ENTPD4: variants seen among roughly 807,000 people sequenced by gnomAD.
The protein encoded by ENTPD4 is Golgi UDPase.
ENTPD4 carries 60 observed loss-of-function variants against 79.1 expected under a neutral mutation model. The ratio of observed to expected loss-of-function variants is 0.76; its 90% CI spans 0.62 to 0.94. The LOEUF (loss-of-function observed/expected upper bound fraction) is 0.94, where lower values mean the gene tolerates loss of function less well. Ranked by LOEUF, ENTPD4 falls within the 40% of genes least tolerant of loss-of-function variation. The pLI is 0.00. For synonymous variants in ENTPD4, 276 were observed against 292.0 expected, an observed-to-expected ratio of 0.95 and a Z score of 0.56; for missense variants, 772 against 775.1, an observed-to-expected ratio of 1.00 and a Z score of 0.05.
chr8:23,434,507 A>G, intron 11 of ENTPD4, 29 bp from the exon 12 acceptor site: 3 of 1,612,176 alleles, frequency 1.9e-6, no homozygotes, highest in Non-Finnish European at 2.5e-6. Flanking sequence ...AAGGCAAGTC[A>G]GACTGACTCA....
Position 23,430,678 on chromosome 8 carries a change from C to G in ENTPD4, c.*2248G>C. On this transcript the variant is annotated 3_prime_UTR_variant, in exon 13 of 13. Transcript: ENST00000358689. Reference sequence around the variant, plus strand: ...TTCTCAGCCCTTGTTTCAGGATCCTCAGGTATGTGACTAACTCTTCTATGC... The same window carrying G: ...TTCTCAGCCCTTGTTTCAGGATCCTGAGGTATGTGACTAACTCTTCTATGC... 1 of 985,468 alleles carries G rather than the reference C, an allele frequency of 1.0e-6. No homozygotes were observed. Among genetic ancestry groups the G allele is most frequent in the Non-Finnish European group, 1.2e-6 (1 of 829,954 alleles). The allele number at this position is 985,468 out of a possible 1,614,324, so 61.0% of individuals were successfully genotyped here.
In ENTPD4 at chr8:23,444,523, G is replaced by C; in HGVS notation, c.496C>G (p.Arg166Gly). 1.2e-6 allele frequency: 2 copies of C among 1,614,148 alleles called. No homozygotes were observed. Among genetic ancestry groups the C allele is most frequent in the South Asian group, 2.2e-5 (2 of 91,082 alleles). Residue 166 changes from arginine (R) to glycine (G), a missense_variant, in exon 5 of 13, where the codon CGG becomes GGG. Coordinates refer to ENST00000358689, the MANE Select transcript of ENTPD4 (RefSeq NM_004901.5). ...LLNFAAEHVPRAKHKETPLYI... is the reference protein window; with the variant it reads ...LLNFAAEHVPGAKHKETPLYI... Reference sequence around the variant, plus strand: ...AGAGGTGTCTCTTTGTGTTTTGCCCGTGGCACATGCTCTGCAGCAAAGTTC... The same window carrying C: ...AGAGGTGTCTCTTTGTGTTTTGCCCCTGGCACATGCTCTGCAGCAAAGTTC...
intron 12 of ENTPD4, among the ~76,000 whole-genome samples, chr8:23,433,850 C>T (rs1292422744): frequency 6.6e-6 from 1 of 152,222 alleles, no homozygotes; most frequent in Non-Finnish European, 1.5e-5. Flanking sequence ...GCTAATTCTG[C>T]TGCCAGATCC....
chr8:23,429,259 T>TC lies in ENTPD4; in HGVS notation c.*3666dup. The TC allele has an allele frequency of 4.1e-6, 4 of 985,452 alleles. No individual in the cohort carries two copies. The highest frequency in any genetic ancestry group is 4.8e-6 in the Non-Finnish European group (4 of 829,936). 61.0% of individuals were successfully genotyped at this position (985,452 alleles called of 1,614,324 possible). On this transcript the variant is annotated 3_prime_UTR_variant, in exon 13 of 13. Coordinates refer to ENST00000358689, the MANE Select transcript of ENTPD4 (RefSeq NM_004901.5). ...AAGTGACATGACACCAAAAGGACCT[T>TC]CCGAGAGTATTATTCTTACTTTGGA...
In ENTPD4 at chr8:23,432,349, T is replaced by G; in HGVS notation, c.*577A>C. The G allele has an allele frequency of 5.1e-6, 5 of 985,566 alleles. No individual in the cohort carries two copies. The highest frequency in any genetic ancestry group is 6.0e-6 in the Non-Finnish European group (5 of 830,078). The allele number at this position is 985,566 out of a possible 1,614,324, so 61.1% of individuals were successfully genotyped here. ...AAGTGCATGTGTTTAAATTTAACAT[T>G]CCTTAGAGAAACCCCAGAAATCTCA... is the stretch of plus-strand genomic sequence containing the variant. On this transcript the variant is annotated 3_prime_UTR_variant, in exon 13 of 13. Coordinates refer to ENST00000358689, the MANE Select transcript of ENTPD4 (RefSeq NM_004901.5).
intron 3 of ENTPD4, among the ~76,000 whole-genome samples, chr8:23,448,333 CA>C (rs1800798524): frequency 6.6e-6 from 1 of 152,254 alleles, no homozygotes; most frequent in Middle Eastern, 3.4e-3. Flanking sequence ...AATCTAAAGC[CA>C]AACGTCGTGA....
intron 10 of ENTPD4, 22 bp from the exon 11 acceptor site, chr8:23,435,499 T>C (rs375318756): frequency 1.9e-6 from 3 of 1,555,838 alleles, no homozygotes; most frequent in South Asian, 1.1e-5. Context: ...TTCACCAAAA[T>C]AGATCACTAG....
At position 23,434,346 on chromosome 8, in the gene ENTPD4, G is replaced by T; in HGVS notation, c.1593C>A (p.Ile531=). 1 of 1,614,212 alleles carries T rather than the reference G, an allele frequency of 6.2e-7. No individual in the cohort carries two copies. Among genetic ancestry groups the T allele is most frequent in the African/African-American group, 1.3e-5 (1 of 75,066 alleles). Residue 531 remains isoleucine (I), a synonymous_variant, in exon 12 of 13, where the codon ATC becomes ATA. Coordinates refer to ENST00000358689, the MANE Select transcript of ENTPD4 (RefSeq NM_004901.5). ...ATGGTAGAAAGCGGGTCCTGTAGAG[G>T]ATGGCTCCAAGGGTCCACTGAACCT... The part of the protein sequence containing the change: ...DKEVQWTLGA[I]LYRTRFLPLR...
chr8:23,441,601 G>A lies in ENTPD4; in HGVS notation c.850C>T (p.Pro284Ser), dbSNP rs775037430. ...GVSTQIAYEV[P>S]KTVSFASSQQ... is the part of the protein sequence containing the mutation. Reference sequence around the variant, plus strand: ...GAGGACGCAAAGCTTACAGTTTTGGGGACTTCGTACGCTATCTGAGTCGAC... The same window carrying A: ...GAGGACGCAAAGCTTACAGTTTTGGAGACTTCGTACGCTATCTGAGTCGAC... Residue 284 changes from proline (P) to serine (S), a missense_variant, in exon 8 of 13, where the codon CCC becomes TCC. Coordinates refer to ENST00000358689, the MANE Select transcript of ENTPD4 (RefSeq NM_004901.5). The A allele has an allele frequency of 1.2e-6, 2 of 1,614,200 alleles. No individual in the cohort carries two copies. Among genetic ancestry groups the A allele is most frequent in the East Asian group, 2.2e-5 (1 of 44,882 alleles).
chr8:23,439,664 G>T, intron 9 of ENTPD4, 85 bp downstream of exon 9: 1 of 1,279,772 alleles, frequency 7.8e-7, no homozygotes, highest in Non-Finnish European at 1.1e-6. Context: ...TGCTAATTGA[G>T]TTCTTCCCAC....
chr8:23,449,363 G>T (rs754786401), intron 2 of ENTPD4, among the ~76,000 whole-genome samples: 5 of 152,162 alleles, frequency 3.3e-5, no homozygotes, highest in Non-Finnish European at 7.3e-5. Flanking sequence ...TGGGCCTGCT[G>T]CAAATACGAC....
chr8:23,432,936 C>T lies in ENTPD4; in HGVS notation c.1841G>A (p.Gly614Glu), dbSNP rs1339613680. Residue 614 changes from glycine to glutamate, a missense_variant, in exon 13 of 13, where the codon GGG becomes GAG. Coordinates refer to ENST00000358689, the MANE Select transcript of ENTPD4 (RefSeq NM_004901.5). ...EEGLPAQNAP[G>E]TL is the part of the protein sequence containing the mutation. Reference sequence around the variant, plus strand: ...GAGCTGTGAGCTGGATCACAAGGTCCCCGGGGCATTCTGGGCGGGAAGGCC... The same window carrying T: ...GAGCTGTGAGCTGGATCACAAGGTCTCCGGGGCATTCTGGGCGGGAAGGCC... The T allele has an allele frequency of 1.9e-6, 3 of 1,600,070 alleles. No homozygotes were observed. The highest frequency in any genetic ancestry group is 1.3e-5 in the African/African-American group (1 of 74,706).
At chr8:23,436,005 ATCCCGACC>A (rs1386034065) in intron 10 of ENTPD4, among the ~76,000 whole-genome samples, 1 of 152,206 alleles carries the variant, frequency 6.6e-6, no homozygotes, top group Admixed American at 6.5e-5. Context: ...GGTGGCTACC[ATCCCGACC>A]TCTATTTAAA....
intron 1 of ENTPD4, among the ~76,000 whole-genome samples, chr8:23,453,309 A>G (rs992236237): frequency 2.0e-5 from 3 of 152,314 alleles, no homozygotes; most frequent in Admixed American, 1.3e-4. Context: ...AATGATCTAG[A>G]CGTTTAAATG....
chr8:23,441,679 T>G lies in ENTPD4; in HGVS notation c.772A>C (p.Ser258Arg), dbSNP rs1478213192. 1 of 1,614,154 alleles carries G rather than the reference T, an allele frequency of 6.2e-7. No individual in the cohort carries two copies. Among genetic ancestry groups the G allele is most frequent in the South Asian group, 1.1e-5 (1 of 91,082 alleles). Residue 258 changes from serine to arginine, a missense_variant, in exon 8 of 13, where the codon AGC (serine) becomes CGC (arginine). Physicochemically the swap from Ser to Arg is moderately radical, Grantham distance 110. Coordinates refer to ENST00000358689, the MANE Select transcript of ENTPD4 (RefSeq NM_004901.5). Reference protein sequence around the residue: ...VEVNIPGSESSEAIVRKRTAG... With the variant: ...VEVNIPGSESREAIVRKRTAG... Reference sequence around the variant, plus strand: ...GTCCTTTTACGGACAATGGCTTCGCTGCTTTCACTTCCAGGAATGTTAACT... The same window carrying G: ...GTCCTTTTACGGACAATGGCTTCGCGGCTTTCACTTCCAGGAATGTTAACT...
rs888587058 is a variant in ENTPD4, at chr8:23,432,326, G to C, written c.*600C>G. 8 of 985,508 alleles carry C rather than the reference G, an allele frequency of 8.1e-6. No homozygotes were observed. The South Asian group carries it at 2.3e-4, about 29-fold the overall frequency. 61.0% of individuals were successfully genotyped at this position (985,508 alleles called of 1,614,324 possible). ...CTTTCCACCTCCCTCCAGTATCAAA[G>C]TGCATGTGTTTAAATTTAACATTCC... On this transcript the variant is annotated 3_prime_UTR_variant, in exon 13 of 13. Transcript: ENST00000358689.
intron 3 of ENTPD4, among the ~76,000 whole-genome samples, chr8:23,448,241 G>C (rs555326074): frequency 4.6e-5 from 7 of 152,344 alleles, no homozygotes; most frequent in African/African-American, 1.2e-4. Flanking sequence ...GTAGTTAGCA[G>C]TTAACTAGCT....
chr8:23,449,281 C>T (rs1054672065), intron 2 of ENTPD4, among the ~76,000 whole-genome samples: 5 of 152,108 alleles, frequency 3.3e-5, no homozygotes, highest in African/African-American at 1.2e-4. Context: ...ATATATAAAT[C>T]GATCATGAAA....
chr8:23,449,068 T>C, intron 2 of ENTPD4, 129 bp from the exon 3 acceptor site: 3 of 684,108 alleles, frequency 4.4e-6, no homozygotes, highest in South Asian at 3.7e-5. Context: ...ATCTGTATAC[T>C]GGCATCTTGC....
Sources: allele counts gnomAD v4.1 joint callset (sites outside exome capture counted in the v4.1 genomes callset), GRCh38; gene constraint gnomAD v4.1.1; transcripts MANE v1.5; gene names NCBI Gene and HGNC (gene_info 2026-07-23, HGNC 2026-07-21).